Variants in ANO4 observed in about 807,000 individuals in gnomAD.
The protein encoded by ANO4 is anoctamin-4.
ANO4 carries 69 observed loss-of-function variants against 141.9 expected under a neutral mutation model. The observed-to-expected ratio is 0.49, with a 90% CI of 0.40 to 0.59. ANO4 has a LOEUF of 0.59. ANO4 is among the 20% of genes least tolerant of loss of function. ANO4 has a pLI of 0.00. For missense variants in ANO4, 894 were observed against 1,162.2 expected (o/e 0.77, Z 3.36); for synonymous variants, 350 against 394.3 (o/e 0.89, Z 1.33).
At chr12:101,048,187 T>C (rs1286401306) in intron 13 of ANO4, among the ~76,000 whole-genome samples, 154 bp from the exon 14 acceptor site, 1 of 152,204 alleles carries the variant, frequency 6.6e-6, no homozygotes, top group African/African-American at 2.4e-5. Context: ...AAGCCTTTTC[T>C]TATTTATGGT....
chr12:100,756,344 A>C (rs928407895), intron 3 of ANO4, among the ~76,000 whole-genome samples: 1 of 152,140 alleles, frequency 6.6e-6, no homozygotes, highest in Non-Finnish European at 1.5e-5. Context: ...ATGTATGTAT[A>C]GAACATTATT....
In ANO4 at chr12:100,901,730, G is replaced by A. The variant is rs752294939; in HGVS notation, c.-56G>A. On this transcript the variant is annotated 5_prime_UTR_variant, in exon 2 of 28. Coordinates refer to ENST00000392977, the MANE Select transcript of ANO4 (RefSeq NM_001286615.2). ...GTGGCAAGCCGCCCAGCGTCACGTC[G>A]TCGCCTGCCTGTGGTCAGGCATTCC... 4.1e-5 allele frequency: 63 copies of A among 1,532,092 alleles called. No individual in the cohort carries two copies. The highest frequency in any genetic ancestry group is 4.5e-5 in the East Asian group (2 of 44,500). 94.9% of individuals were successfully genotyped at this position (1,532,092 alleles called of 1,614,324 possible).
chr12:101,038,297 G>T (rs1566160351), intron 10 of ANO4: 1 of 152,100 alleles, frequency 6.6e-6, no homozygotes. Context: ...TTGTTAGTTG[G>T]CATTGCCCAG....
intron 9 of ANO4, among the ~76,000 whole-genome samples, chr12:101,031,576 G>C (rs1447052056): frequency 6.6e-6 from 1 of 152,092 alleles, no homozygotes; most frequent in Non-Finnish European, 1.5e-5. Flanking sequence ...TGGAAGTTCT[G>C]GCCAGGACAA....
At chr12:101,073,063 A>G (rs1242017182) in intron 14 of ANO4, among the ~76,000 whole-genome samples, 2 of 152,202 alleles carry the variant, frequency 1.3e-5, no homozygotes, top group African/African-American at 4.8e-5. Context: ...ATACCATTTG[A>G]CCCAGCAATC....
At position 100,751,191 on chromosome 12, in the gene ANO4, A is replaced by G. The variant is rs1033440865; in HGVS notation, c.358+11086A>G. 3.9e-5 allele frequency among the ~76,000 whole-genome samples: 6 copies of G among 152,218 alleles called. No homozygotes were observed. The East Asian group carries it at 1.2e-3, about 29-fold the overall frequency. On this transcript the variant is annotated intron_variant, in intron 3 of 29. Coordinates refer to the ANO4 transcript ENST00000644049. ...AAGAAAGATTCAGCCGAGAGCCATC[A>G]GCAGCTGGGGGTGTACCATGGGGCC...
intron 1 of ANO4, among the ~76,000 whole-genome samples, chr12:100,807,193 T>A (rs2035110048): frequency 2.0e-5 from 3 of 152,236 alleles, no homozygotes; most frequent in Admixed American, 2.0e-4. Context: ...AGGCACGATG[T>A]GTCTTTTCCT....
intron 14 of ANO4, among the ~76,000 whole-genome samples, chr12:101,061,690 A>G (rs902390109): frequency 2.0e-5 from 3 of 151,708 alleles, no homozygotes; most frequent in Non-Finnish European, 2.9e-5. Context: ...TGATACTTGT[A>G]TATGCTTCAC....
intron 1 of ANO4, among the ~76,000 whole-genome samples, chr12:100,900,606 T>G (rs369794183): frequency 6.6e-6 from 1 of 152,096 alleles, no homozygotes; most frequent in East Asian, 1.9e-4. Context: ...GTGGAACATA[T>G]ACACCACGGA....
At chr12:100,971,457 C>A in intron 6 of ANO4, 51 bp downstream of exon 6, 1 of 1,284,974 alleles carries the variant, frequency 7.8e-7, no homozygotes, top group Non-Finnish European at 1.1e-6. Flanking sequence ...CACTGTAAAT[C>A]TAATGTTCTC....
intron 8 of ANO4, among the ~76,000 whole-genome samples, chr12:100,996,326 T>C (rs1454929051): frequency 1.3e-5 from 2 of 152,208 alleles, no homozygotes; most frequent in East Asian, 3.9e-4. Flanking sequence ...CATAGTTCTT[T>C]GTGCCTAAGA....
intron 3 of ANO4, among the ~76,000 whole-genome samples, chr12:100,922,808 C>T (rs1219448358): frequency 3.9e-5 from 6 of 152,076 alleles, no homozygotes; most frequent in Admixed American, 3.3e-4. Context: ...GAAGTGAACC[C>T]TCATTTTCTA....
intron 1 of ANO4, among the ~76,000 whole-genome samples, chr12:100,892,313 T>TA (rs555438343): frequency 3.9e-5 from 6 of 152,018 alleles, no homozygotes; most frequent in South Asian, 2.1e-4. Context: ...CTTTATGAAT[T>TA]AAAAAAAATC....
At chr12:100,894,360 G>C (rs1293749411) in intron 1 of ANO4, among the ~76,000 whole-genome samples, 3 of 152,062 alleles carry the variant, frequency 2.0e-5, no homozygotes, top group African/African-American at 7.3e-5. Flanking sequence ...CCTATCTTCA[G>C]GTCTCTGGGT....
chr12:100,867,769 T>A (rs556919849), intron 1 of ANO4, among the ~76,000 whole-genome samples: 1 of 152,316 alleles, frequency 6.6e-6, no homozygotes, highest in East Asian at 1.9e-4. Context: ...CCTACATTCT[T>A]TGAGTCCTGG....
chr12:100,839,290 C>A (rs180823121), intron 1 of ANO4, among the ~76,000 whole-genome samples: 2 of 152,198 alleles, frequency 1.3e-5, no homozygotes, highest in Non-Finnish European at 2.9e-5. Context: ...TGAGGAGATG[C>A]TGTAGTACCT....
At chr12:101,104,687 C>G (rs797017381) in intron 22 of ANO4, among the ~76,000 whole-genome samples, 4 of 116,508 alleles carry the variant, frequency 3.4e-5, no homozygotes, top group African/African-American at 1.2e-4. Context: ...AAAGATTTAC[C>G]TTATGCTCCT....
intron 8 of ANO4, among the ~76,000 whole-genome samples, chr12:101,010,585 G>A (rs60715723): frequency 0.077 from 11,747 of 152,130 alleles, 573 homozygotes; most frequent in Non-Finnish European, 0.1. Context: ...CTCAAAATAG[G>A]CCTTGTCACA....
chr12:100,770,479 A>G (rs1472363468), intron 3 of ANO4, among the ~76,000 whole-genome samples: 2 of 152,244 alleles, frequency 1.3e-5, no homozygotes, highest in African/African-American at 4.8e-5. Context: ...CCTTTTTAGA[A>G]GTATGAAGGA....
Sources: allele counts gnomAD v4.1 joint callset (sites outside exome capture counted in the v4.1 genomes callset), GRCh38; gene constraint gnomAD v4.1.1; transcripts MANE v1.5; gene names NCBI Gene and HGNC (gene_info 2026-07-23, HGNC 2026-07-21).